RGL1: variants seen among roughly 807,000 people sequenced by gnomAD.
The protein encoded by RGL1 is ral guanine nucleotide dissociation stimulator like 1.
A neutral mutation model predicts 95.2 loss-of-function variants in RGL1; 24 were observed. The observed-to-expected ratio is 0.25, with a 90% CI of 0.18 to 0.35. The LOEUF is 0.35. Ranked by LOEUF, RGL1 falls within the 10% of genes least tolerant of loss-of-function variation. RGL1 has a pLI of 1.00. For synonymous variants in RGL1, 329 were observed against 344.9 expected, an observed-to-expected ratio of 0.95 and a Z score of 0.51; for missense variants, 715 against 936.3, an observed-to-expected ratio of 0.76 and a Z score of 3.08.
chr1:183,910,481 T>C (rs1668583533), intron 14 of RGL1, among the ~76,000 whole-genome samples: 1 of 152,214 alleles, frequency 6.6e-6, no homozygotes, highest in African/African-American at 2.4e-5. Flanking sequence ...GACATGGCTC[T>C]TGGATGGGAG....
At chr1:183,886,220 T>C (rs1307744244) in intron 7 of RGL1, among the ~76,000 whole-genome samples, 1 of 152,190 alleles carries the variant, frequency 6.6e-6, no homozygotes, top group Non-Finnish European at 1.5e-5. Context: ...TGGTCTGTTA[T>C]TACAGACTTC....
intron 2 of RGL1, among the ~76,000 whole-genome samples, chr1:183,839,362 T>C (rs1484742982): frequency 1.1e-4 from 16 of 152,208 alleles, no homozygotes; most frequent in Admixed American, 9.8e-4. Context: ...CCATTACCTT[T>C]CCAGCCATCC....
chr1:183,897,676 G>C, intron 9 of RGL1, 132 bp from the exon 10 acceptor site: 1 of 608,884 alleles, frequency 1.6e-6, no homozygotes, highest in Non-Finnish European at 2.9e-6. Flanking sequence ...GCCTGCTGGA[G>C]GCCTCTTCAT....
intron 1 of RGL1, among the ~76,000 whole-genome samples, chr1:183,701,267 G>T (rs1484806523): frequency 6.6e-6 from 1 of 152,210 alleles, no homozygotes; most frequent in Non-Finnish European, 1.5e-5. Context: ...TTTGATGAAA[G>T]AATGGTTTTT....
intron 1 of RGL1, among the ~76,000 whole-genome samples, chr1:183,683,508 C>T (rs569538230): frequency 5.9e-5 from 9 of 152,310 alleles, no homozygotes; most frequent in East Asian, 1.9e-4. Flanking sequence ...TCTTTTCTGG[C>T]TTGTAGAGTT....
At chr1:183,694,829 T>G (rs772766709) in intron 1 of RGL1, among the ~76,000 whole-genome samples, 3 of 152,236 alleles carry the variant, frequency 2.0e-5, no homozygotes, top group Non-Finnish European at 4.4e-5. Context: ...TGAGGTCATA[T>G]GGAAAGCCAA....
chr1:183,771,828 A>G (rs1465263849), intron 2 of RGL1, among the ~76,000 whole-genome samples: 1 of 152,230 alleles, frequency 6.6e-6, no homozygotes, highest in Non-Finnish European at 1.5e-5. Context: ...TCCTGGGCCT[A>G]TAAAAACCCG....
At chr1:183,659,878 C>A (rs1367795615) in intron 1 of RGL1, among the ~76,000 whole-genome samples, 2 of 149,884 alleles carry the variant, frequency 1.3e-5, no homozygotes, top group African/African-American at 5.1e-5. Context: ...ACTCTAGAAG[C>A]CGGAAGAGAG....
At chr1:183,768,058 A>G (rs1338118644) in intron 2 of RGL1, among the ~76,000 whole-genome samples, 5 of 152,182 alleles carry the variant, frequency 3.3e-5, no homozygotes, top group Non-Finnish European at 7.3e-5. Context: ...AATTAGCCCA[A>G]TATCTCAAAT....
At chr1:183,759,487 C>T (rs562531448) in intron 2 of RGL1, among the ~76,000 whole-genome samples, 1 of 152,156 alleles carries the variant, frequency 6.6e-6, no homozygotes, top group Non-Finnish European at 1.5e-5. Flanking sequence ...TGCTCTCTGA[C>T]TTTTGTTATC....
At chr1:183,844,956 C>T (rs1664318245) in intron 2 of RGL1, among the ~76,000 whole-genome samples, 1 of 152,204 alleles carries the variant, frequency 6.6e-6, no homozygotes, top group Admixed American at 6.5e-5. Context: ...GCTATTCTAA[C>T]CCCCTTCTGA....
At chr1:183,921,229 T>C (rs1218455497) in intron 16 of RGL1, among the ~76,000 whole-genome samples, 1 of 152,220 alleles carries the variant, frequency 6.6e-6, no homozygotes, top group African/African-American at 2.4e-5. Context: ...TTTAAAACAC[T>C]TACAAGCTGA....
In RGL1 at chr1:183,661,088, G is replaced by A. The variant is rs1307347809; in HGVS notation, c.-33+24587G>A. Among the ~76,000 whole-genome samples, 13 of 152,024 alleles carry A rather than the reference G, an allele frequency of 8.6e-5. No homozygotes were observed. In the South Asian group the frequency reaches 1.5e-3, roughly 17 times the overall value. The stretch of plus-strand genomic sequence containing the variant: ...TAGAGGGAAATTTATAGCACTAAAT[G>A]CCCACAAGAGAAAGCAGGAAAGATC... On this transcript the variant is annotated intron_variant, in intron 1 of 18. Coordinates refer to the RGL1 transcript ENST00000304685.
At chr1:183,676,115 C>G (rs763736060) in intron 1 of RGL1, among the ~76,000 whole-genome samples, 2 of 152,110 alleles carry the variant, frequency 1.3e-5, no homozygotes, top group African/African-American at 2.4e-5. Context: ...CTGCTGCACT[C>G]TGGCCTGGGT....
intron 10 of RGL1, 122 bp from the exon 11 acceptor site, chr1:183,900,028 G>A: frequency 1.5e-6 from 1 of 648,384 alleles, no homozygotes; most frequent in Non-Finnish European, 2.8e-6. Context: ...TATTCATGGA[G>A]GTTAGCACCA....
At chr1:183,797,757 A>G (rs1006519710) in intron 2 of RGL1, among the ~76,000 whole-genome samples, 7 of 152,262 alleles carry the variant, frequency 4.6e-5, no homozygotes, top group African/African-American at 1.4e-4. Context: ...AACCACAGTT[A>G]TCATAGCTAG....
At chr1:183,887,795 CTCTT>C (rs1193576161) in intron 7 of RGL1, among the ~76,000 whole-genome samples, 4 of 152,136 alleles carry the variant, frequency 2.6e-5, no homozygotes, top group Non-Finnish European at 4.4e-5. Flanking sequence ...GTTTCCTGTT[CTCTT>C]TCTATTTTGT....
At chr1:183,639,693 T>C (rs966064297) in intron 1 of RGL1, among the ~76,000 whole-genome samples, 2 of 124,848 alleles carry the variant, frequency 1.6e-5, no homozygotes, top group African/African-American at 7.0e-5. Flanking sequence ...ACTAAAAACC[T>C]GTAAGCCAAA....
At chr1:183,881,018 C>T (rs185061997) in intron 5 of RGL1, among the ~76,000 whole-genome samples, 2 of 152,210 alleles carry the variant, frequency 1.3e-5, no homozygotes, top group East Asian at 3.9e-4. Flanking sequence ...TCAAGACTAC[C>T]TAATCTGGCT....
Sources: allele counts gnomAD v4.1 joint callset (sites outside exome capture counted in the v4.1 genomes callset), GRCh38; gene constraint gnomAD v4.1.1; transcripts MANE v1.5; gene names NCBI Gene and HGNC (gene_info 2026-07-23, HGNC 2026-07-21).